Variants in GULP1 observed in about 807,000 individuals in gnomAD.
GULP1 encodes GULP PTB domain containing engulfment adaptor 1, also known as PTB domain-containing engulfment adapter protein 1.
In GULP1, 19 loss-of-function variants were observed where a neutral mutation model predicts 40.9. That is an observed-to-expected ratio of 0.46 (90% CI 0.32 to 0.68). The LOEUF is 0.68. GULP1 is among the 30% of genes least tolerant of loss of function. The pLI is 0.03. For synonymous variants in GULP1, 119 were observed against 117.6 expected, an observed-to-expected ratio of 1.01 and a Z score of -0.08; for missense variants, 312 against 362.2, an observed-to-expected ratio of 0.86 and a Z score of 1.12.
At chr2:188,461,319 T>A (rs997520021) in intron 2 of GULP1, among the ~76,000 whole-genome samples, 54 of 99,940 alleles carry the variant, frequency 5.4e-4, no homozygotes, top group Non-Finnish European at 8.1e-4. Flanking sequence ...ACTGGTAAGC[T>A]TTTTTTTTTT....
At chr2:188,372,105 G>A (rs1281964957) in intron 1 of GULP1, among the ~76,000 whole-genome samples, 1 of 152,080 alleles carries the variant, frequency 6.6e-6, no homozygotes, top group Non-Finnish European at 1.5e-5. Context: ...CAGAGAGGAT[G>A]TGCCTCTGGC....
intron 2 of GULP1, among the ~76,000 whole-genome samples, chr2:188,418,430 G>A (rs181459510): frequency 0.016 from 2,413 of 152,144 alleles, 36 homozygotes; most frequent in Non-Finnish European, 0.027. Context: ...TCAGGAGTTC[G>A]AGACCAGCCT....
At chr2:188,538,460 A>G (rs1689516373) in intron 6 of GULP1, among the ~76,000 whole-genome samples, 2 of 152,136 alleles carry the variant, frequency 1.3e-5, no homozygotes, top group African/African-American at 4.8e-5. Context: ...AATCCTTGAG[A>G]TATTTTATAC....
intron 2 of GULP1, among the ~76,000 whole-genome samples, chr2:188,456,216 AGTAATTTGCAT>A (rs1337921871): frequency 9.2e-6 from 1 of 108,890 alleles, no homozygotes. Flanking sequence ...AATTTGCATA[AGTAATTTGCAT>A]AAGAATGTTA....
At chr2:188,407,753 A>G (rs2053318933) in intron 2 of GULP1, among the ~76,000 whole-genome samples, 2 of 152,168 alleles carry the variant, frequency 1.3e-5, no homozygotes, top group African/African-American at 4.8e-5. Flanking sequence ...AAACAACTAG[A>G]AAAATATTAA....
chr2:188,522,032 C>A (rs528007570), intron 4 of GULP1, among the ~76,000 whole-genome samples: 1 of 152,050 alleles, frequency 6.6e-6, no homozygotes, highest in Non-Finnish European at 1.5e-5. Context: ...GCCGAGATAG[C>A]GCCACTGCAC....
intron 7 of GULP1, among the ~76,000 whole-genome samples, chr2:188,551,845 TTG>T (rs1422986468): frequency 5.3e-5 from 8 of 151,836 alleles, no homozygotes; most frequent in Non-Finnish European, 4.4e-5. Context: ...CTGTTATCTT[TTG>T]TCTTTTTGAC....
At chr2:188,369,267 A>C (rs1408557181) in intron 1 of GULP1, among the ~76,000 whole-genome samples, 2 of 151,820 alleles carry the variant, frequency 1.3e-5, no homozygotes, top group Non-Finnish European at 2.9e-5. Flanking sequence ...GGCTGTAAAA[A>C]AAATATTTTT....
At chr2:188,359,044 G>A (rs1219196163) in intron 1 of GULP1, among the ~76,000 whole-genome samples, 2 of 151,834 alleles carry the variant, frequency 1.3e-5, no homozygotes, top group African/African-American at 4.8e-5. Flanking sequence ...ATTATAATAA[G>A]GCAATTATAA....
intron 2 of GULP1, among the ~76,000 whole-genome samples, chr2:188,431,934 T>TAA (rs1163880568): frequency 6.6e-6 from 1 of 151,860 alleles, no homozygotes; most frequent in Non-Finnish European, 1.5e-5. Flanking sequence ...TTGAATTAGA[T>TAA]AAAAATTATT....
At chr2:188,561,207 A>G (rs375811334) in intron 7 of GULP1, among the ~76,000 whole-genome samples, 2 of 152,200 alleles carry the variant, frequency 1.3e-5, no homozygotes, top group African/African-American at 4.8e-5. Context: ...CTAGGCTGAT[A>G]TATGCTGGCA....
chr2:188,485,511 A>AT, intron 4 of GULP1, among the ~76,000 whole-genome samples: 1 of 151,974 alleles, frequency 6.6e-6, no homozygotes, highest in African/African-American at 2.4e-5. Flanking sequence ...GGATGACCTC[A>AT]TAGTAGAGTT....
intron 7 of GULP1, among the ~76,000 whole-genome samples, chr2:188,558,421 T>C (rs1024526362): frequency 2.0e-5 from 3 of 152,186 alleles, no homozygotes; most frequent in Non-Finnish European, 1.5e-5. Context: ...TTCTGAGGCC[T>C]CCACAGCCAT....
chr2:188,505,571 G>C (rs72913365), intron 4 of GULP1, among the ~76,000 whole-genome samples: 1,679 of 151,690 alleles, frequency 0.011, 13 homozygotes, highest in Non-Finnish European at 0.019. Flanking sequence ...CTCTTCTGAG[G>C]TACTGATTTC....
chr2:188,463,002 A>G (rs972690239), intron 2 of GULP1, among the ~76,000 whole-genome samples: 3 of 152,122 alleles, frequency 2.0e-5, no homozygotes, highest in African/African-American at 7.2e-5. Context: ...TTTAGTTATT[A>G]TTTTTGATTG....
intron 1 of GULP1, among the ~76,000 whole-genome samples, chr2:188,342,151 C>T (rs1166750559): frequency 6.6e-6 from 1 of 152,112 alleles, no homozygotes; most frequent in Non-Finnish European, 1.5e-5. Flanking sequence ...ATACCATACA[C>T]TTGGTGGCTG....
At chr2:188,358,474 G>A (rs1476531302) in intron 1 of GULP1, among the ~76,000 whole-genome samples, 2 of 152,114 alleles carry the variant, frequency 1.3e-5, no homozygotes, top group Non-Finnish European at 1.5e-5. Context: ...TTTTCAAATA[G>A]GTAGAAGAGA....
chr2:188,360,774 T>A (rs375313374), intron 1 of GULP1, among the ~76,000 whole-genome samples: 127 of 152,242 alleles, frequency 8.3e-4, no homozygotes, highest in African/African-American at 2.9e-3. Flanking sequence ...TACAGAGCAA[T>A]AAAACACAAA....
chr2:188,359,261 A>C (rs961406926), intron 1 of GULP1, among the ~76,000 whole-genome samples: 1 of 152,128 alleles, frequency 6.6e-6, no homozygotes, highest in Non-Finnish European at 1.5e-5. Context: ...CTTATATGCC[A>C]TGCATTGTAC....
Sources: allele counts gnomAD v4.1 joint callset (sites outside exome capture counted in the v4.1 genomes callset), GRCh38; gene constraint gnomAD v4.1.1; transcripts MANE v1.5; gene names NCBI Gene and HGNC (gene_info 2026-07-23, HGNC 2026-07-21).